NEGR1: variants seen among roughly 807,000 people sequenced by gnomAD.
The protein encoded by NEGR1 is neuronal growth regulator 1.
A neutral mutation model predicts 40.9 loss-of-function variants in NEGR1; 10 were observed. The ratio of observed to expected loss-of-function variants is 0.24; its 90% CI spans 0.15 to 0.42. NEGR1 has a LOEUF of 0.42. Among genes scored for constraint, NEGR1 ranks in the 10% least tolerant of loss-of-function variants. NEGR1 has a pLI of 1.00. For missense variants in NEGR1, 352 were observed against 438.9 expected, an observed-to-expected ratio of 0.80 and a Z score of 1.77; for synonymous variants, 185 against 166.8, an observed-to-expected ratio of 1.11 and a Z score of -0.84.
At chr1:71,692,671 C>T (rs952523238) in intron 4 of NEGR1, among the ~76,000 whole-genome samples, 2 of 151,772 alleles carry the variant, frequency 1.3e-5, no homozygotes, top group South Asian at 2.1e-4. Flanking sequence ...TTCAAGCTTC[C>T]GTATAATTGT....
At chr1:71,753,456 A>C (rs548995366) in intron 3 of NEGR1, among the ~76,000 whole-genome samples, 18 of 152,300 alleles carry the variant, frequency 1.2e-4, no homozygotes, top group African/African-American at 4.3e-4. Flanking sequence ...GGCAGCAGTC[A>C]GTGGTGTAAT....
At chr1:71,483,372 A>T (rs1387788332) in intron 6 of NEGR1, among the ~76,000 whole-genome samples, 1 of 151,762 alleles carries the variant, frequency 6.6e-6, no homozygotes, top group Non-Finnish European at 1.5e-5. Context: ...GTTATATTTT[A>T]AAAGTTAGGA....
intron 4 of NEGR1, among the ~76,000 whole-genome samples, chr1:71,641,506 A>G (rs1651349949): frequency 6.6e-6 from 1 of 152,030 alleles, no homozygotes; most frequent in Admixed American, 6.6e-5. Flanking sequence ...TCCTCCTGTC[A>G]TGGAGTTTTA....
intron 1 of NEGR1, among the ~76,000 whole-genome samples, chr1:71,967,359 C>G (rs779326536): frequency 6.6e-6 from 1 of 152,048 alleles, no homozygotes; most frequent in Non-Finnish European, 1.5e-5. Context: ...CAACCGTCAT[C>G]CAAAGGCACC....
At chr1:72,192,829 C>T (rs529767017) in intron 1 of NEGR1, among the ~76,000 whole-genome samples, 2 of 151,782 alleles carry the variant, frequency 1.3e-5, no homozygotes, top group East Asian at 3.9e-4. Flanking sequence ...AGGATGGTTC[C>T]CCTCTTTTTG....
At chr1:71,562,575 T>C (rs1434724955) in intron 6 of NEGR1, among the ~76,000 whole-genome samples, 2 of 152,046 alleles carry the variant, frequency 1.3e-5, no homozygotes, top group East Asian at 3.9e-4. Context: ...AGTACAGATT[T>C]CCTAAGGCAC....
At chr1:72,089,978 T>C (rs1648397686) in intron 1 of NEGR1, among the ~76,000 whole-genome samples, 1 of 152,100 alleles carries the variant, frequency 6.6e-6, no homozygotes, top group Admixed American at 6.6e-5. Context: ...AAAATGGAAA[T>C]AAAGATTGGA....
intron 1 of NEGR1, among the ~76,000 whole-genome samples, chr1:72,277,629 T>C (rs1035674495): frequency 6.6e-6 from 1 of 152,162 alleles, no homozygotes; most frequent in Admixed American, 6.5e-5. Context: ...TTACATATCC[T>C]AGAACATATT....
At chr1:71,915,910 G>C (rs955472093) in intron 2 of NEGR1, among the ~76,000 whole-genome samples, 10 of 152,158 alleles carry the variant, frequency 6.6e-5, no homozygotes, top group African/African-American at 2.4e-4. Flanking sequence ...ACTATGATAG[G>C]ACCGCCAAAA....
intron 3 of NEGR1, among the ~76,000 whole-genome samples, chr1:71,703,892 G>A (rs938288604): frequency 3.3e-5 from 5 of 151,798 alleles, no homozygotes; most frequent in Admixed American, 2.0e-4. Flanking sequence ...AAGAAATAAA[G>A]GTTGAATGGT....
intron 2 of NEGR1, among the ~76,000 whole-genome samples, chr1:71,881,702 A>G (rs1485148277): frequency 1.3e-5 from 2 of 152,132 alleles, no homozygotes; most frequent in Non-Finnish European, 2.9e-5. Flanking sequence ...TGTTTCCTGA[A>G]TATGAGTATC....
intron 2 of NEGR1, among the ~76,000 whole-genome samples, chr1:71,793,934 C>T (rs1657222605): frequency 6.6e-6 from 1 of 152,066 alleles, no homozygotes; most frequent in South Asian, 2.1e-4. Flanking sequence ...TCACAATGCT[C>T]ATTATCTGTA....
At chr1:71,649,537 C>T (rs1651640871) in intron 4 of NEGR1, among the ~76,000 whole-genome samples, 1 of 151,860 alleles carries the variant, frequency 6.6e-6, no homozygotes, top group Non-Finnish European at 1.5e-5. Context: ...TGGTTAATTA[C>T]CTAGGAACAA....
chr1:71,988,463 C>T (rs1339360360), intron 1 of NEGR1, among the ~76,000 whole-genome samples: 5 of 140,542 alleles, frequency 3.6e-5, no homozygotes, highest in South Asian at 2.3e-4. Flanking sequence ...GGCGTGAACC[C>T]GGGAAGCGGA....
intron 1 of NEGR1, among the ~76,000 whole-genome samples, chr1:71,977,422 AT>A (rs1378576135): frequency 6.6e-6 from 1 of 152,160 alleles, no homozygotes; most frequent in Admixed American, 6.5e-5. Flanking sequence ...ATTATAAATA[AT>A]TGAAGATGCT....
intron 1 of NEGR1, among the ~76,000 whole-genome samples, chr1:71,978,143 T>C (rs991100210): frequency 5.3e-5 from 8 of 152,168 alleles, no homozygotes; most frequent in African/African-American, 1.9e-4. Flanking sequence ...AAGCCTTTTA[T>C]TTCAGCCTTT....
intron 1 of NEGR1, among the ~76,000 whole-genome samples, chr1:72,119,158 T>C (rs1035775338): frequency 6.6e-6 from 1 of 151,972 alleles, no homozygotes; most frequent in African/African-American, 2.4e-5. Flanking sequence ...ATTACTACTA[T>C]GTCAGACATT....
At chr1:71,759,352 C>T (rs1174129153) in intron 3 of NEGR1, among the ~76,000 whole-genome samples, 1 of 120,550 alleles carries the variant, frequency 8.3e-6, no homozygotes, top group Non-Finnish European at 1.6e-5. Flanking sequence ...GGCTGGAGTG[C>T]AGTGGCACGA....
intron 1 of NEGR1, among the ~76,000 whole-genome samples, chr1:71,998,896 T>C (rs184275738): frequency 7.7e-4 from 117 of 152,018 alleles, no homozygotes; most frequent in Admixed American, 2.0e-3. Flanking sequence ...ATACTGTATA[T>C]AATACACACA....
Sources: gnomAD v4.1 joint callset for allele counts (sites outside exome capture counted in the v4.1 genomes callset) on GRCh38, gnomAD v4.1.1 for gene constraint, MANE v1.5 for transcripts, NCBI Gene and HGNC (gene_info 2026-07-23, HGNC 2026-07-21) for gene names.